Variants in PRSS12 observed in about 807,000 individuals in gnomAD.
PRSS12 encodes the protein serine protease 12, also known as neurotrypsin.
A neutral mutation model predicts 104.4 loss-of-function variants in PRSS12; 85 were observed. That is an observed-to-expected ratio of 0.81 (90% CI 0.68 to 0.98). The LOEUF (loss-of-function observed/expected upper bound fraction) is 0.98, where lower values mean the gene tolerates loss of function less well. Among genes scored for constraint, PRSS12 ranks in the 50% least tolerant of loss-of-function variants. The pLI, the probability that PRSS12 is intolerant of heterozygous loss-of-function variation, is 0.00. For missense variants in PRSS12, 1,141 were observed against 1,139.2 expected (o/e 1.00, Z -0.02); for synonymous variants, 454 against 425.2 (o/e 1.07, Z -0.83).
intron 1 of PRSS12, among the ~76,000 whole-genome samples, chr4:118,351,403 C>T (rs189761377): frequency 1.7e-4 from 26 of 151,644 alleles, no homozygotes; most frequent in Non-Finnish European, 3.4e-4. Context: ...AAGCAATGTT[C>T]AAAGCTGGAT....
At chr4:118,313,481 G>A in intron 6 of PRSS12, 84 bp from the exon 7 acceptor site, 6 of 1,401,284 alleles carry the variant, frequency 4.3e-6, no homozygotes, top group Non-Finnish European at 6.0e-6. Context: ...AAGCAACTTA[G>A]TTCAGTGACA....
At chr4:118,284,082 C>G (rs989539984) in intron 11 of PRSS12, among the ~76,000 whole-genome samples, 2 of 152,134 alleles carry the variant, frequency 1.3e-5, no homozygotes, top group African/African-American at 4.8e-5. Context: ...TGATACCAAA[C>G]CCACCTAAAG....
rs949634960 is a variant in PRSS12 at position 118,308,302 on chromosome 4, A to T, written c.1631+134T>A. On this transcript the variant is annotated intron_variant, in intron 8 of 12. Transcript: ENST00000296498. ...ATTACTTCTTTATAATTCTGGATCA[A>T]ATCAATATGCTGCCAGTATTTTCAA... 2.4e-6 allele frequency: 3 copies of T among 1,236,822 alleles called. No homozygotes were observed. In the East Asian group the frequency reaches 7.1e-5, roughly 29 times the overall value. The allele number at this position is 1,236,822 out of a possible 1,614,324, so 76.6% of individuals were successfully genotyped here. A position where few individuals can be genotyped will look rare whatever the true frequency, so the allele number is the denominator to read the frequency against.
At chr4:118,308,703 T>G in intron 7 of PRSS12, 126 bp from the exon 8 acceptor site, 1 of 1,315,170 alleles carries the variant, frequency 7.6e-7, no homozygotes, top group Non-Finnish European at 1.1e-6. Context: ...AATACTTTTT[T>G]GAGAGAGAGG....
chr4:118,286,175 C>T (rs1256491660), intron 11 of PRSS12, among the ~76,000 whole-genome samples: 1 of 152,154 alleles, frequency 6.6e-6, no homozygotes, highest in Non-Finnish European at 1.5e-5. Flanking sequence ...AGTGATGTTT[C>T]TGCCTGATAA....
chr4:118,328,604 C>T (rs1723841445), intron 4 of PRSS12, among the ~76,000 whole-genome samples: 1 of 151,924 alleles, frequency 6.6e-6, no homozygotes, highest in African/African-American at 2.4e-5. Context: ...AAAAAAAGAA[C>T]TCTACATTAC....
Position 118,319,983 on chromosome 4 carries a change from T to G in PRSS12, c.972-1427A>C, listed in dbSNP as rs573653815. Among the ~76,000 whole-genome samples the G allele has an allele frequency of 2.0e-5, 3 of 152,274 alleles. No individual in the cohort carries two copies. The South Asian group carries it at 6.2e-4, about 32-fold the overall frequency. On this transcript the variant is annotated intron_variant, in intron 4 of 12. Transcript: ENST00000296498. ...CGAGCCACCATGCCTGACAGCCAAG[T>G]CTATTTCTAACAAAAACATCTCTTT...
intron 6 of PRSS12, among the ~76,000 whole-genome samples, chr4:118,313,900 G>A (rs1347031555): frequency 6.6e-6 from 1 of 152,080 alleles, no homozygotes; most frequent in East Asian, 1.9e-4. Context: ...ATCAAAATCA[G>A]AATTATAATA....
chr4:118,285,963 A>C (rs576181545), intron 11 of PRSS12, among the ~76,000 whole-genome samples: 1 of 152,214 alleles, frequency 6.6e-6, no homozygotes, highest in Non-Finnish European at 1.5e-5. Context: ...TTATCTATAA[A>C]AATTGAGTCT....
intron 4 of PRSS12, among the ~76,000 whole-genome samples, chr4:118,325,243 TGA>T (rs1285164911): frequency 1.3e-5 from 2 of 151,014 alleles, no homozygotes; most frequent in African/African-American, 4.9e-5. Context: ...TACTGCGGGA[TGA>T]GAGACGTAGG....
At chr4:118,320,092 T>C (rs942924220) in intron 4 of PRSS12, among the ~76,000 whole-genome samples, 1 of 152,210 alleles carries the variant, frequency 6.6e-6, no homozygotes, top group Non-Finnish European at 1.5e-5. Flanking sequence ...TAAGTGAAGA[T>C]CACAAACCTG....
intron 1 of PRSS12, among the ~76,000 whole-genome samples, chr4:118,340,875 T>C (rs941667538): frequency 5.9e-5 from 9 of 152,252 alleles, no homozygotes; most frequent in African/African-American, 2.2e-4. Flanking sequence ...CTAATCTCAA[T>C]AGACTGAGTG....
At chr4:118,334,923 A>G (rs1724023057) in intron 3 of PRSS12, among the ~76,000 whole-genome samples, 1 of 152,174 alleles carries the variant, frequency 6.6e-6, no homozygotes, top group Non-Finnish European at 1.5e-5. Context: ...GAATATAAAC[A>G]TATCTGTACA....
intron 11 of PRSS12, among the ~76,000 whole-genome samples, chr4:118,290,303 A>G (rs946380351): frequency 6.6e-6 from 1 of 152,148 alleles, no homozygotes. Context: ...CTTTTGAGCA[A>G]TCTTCCTACT....
In PRSS12 at chr4:118,309,888, T is replaced by C. The variant is rs144612982; in HGVS notation, c.1490-1311A>G. 1.1e-3 allele frequency among the ~76,000 whole-genome samples: 175 copies of C among 152,350 alleles called. 1 individual carries two copies. Among genetic ancestry groups the C allele is most frequent in the African/African-American group, 4.1e-3 (172 of 41,576 alleles). Reference sequence around the variant, plus strand: ...TGGACACACTCTATTTTTATTCTTCTGACCCATTTTTTACTTCTCCATCCT... The same window carrying C: ...TGGACACACTCTATTTTTATTCTTCCGACCCATTTTTTACTTCTCCATCCT... On this transcript the variant is annotated intron_variant, in intron 7 of 12. Transcript: ENST00000296498.
intron 4 of PRSS12, among the ~76,000 whole-genome samples, chr4:118,325,305 C>A (rs1173015842): frequency 6.7e-6 from 1 of 149,290 alleles, no homozygotes. Flanking sequence ...TCCAATATAC[C>A]CATGAAAAGC....
chr4:118,331,998 C>A, intron 3 of PRSS12, 132 bp from the exon 4 acceptor site: 1 of 1,117,094 alleles, frequency 9.0e-7, no homozygotes, highest in Non-Finnish European at 1.3e-6. Flanking sequence ...GTGATATGGA[C>A]ATACGTATAT....
chr4:118,349,403 C>CA lies in PRSS12; in HGVS notation c.502+2815dup, dbSNP rs35412799. 7.5e-3 allele frequency among the ~76,000 whole-genome samples: 918 copies of CA among 122,946 alleles called. 9 individuals are homozygous for CA. The highest frequency in any genetic ancestry group is 0.019 in the African/African-American group (669 of 35,026). The allele number at this position is 122,946 out of a possible 152,430, so 80.7% of individuals were successfully genotyped here. ...CGGGTGACAGAGAGAGAACCTATCT[C>CA]AAAAAAAAAAAAAACAAAGAAAAAG... is the stretch of plus-strand genomic sequence containing the variant. On this transcript the variant is annotated intron_variant, in intron 1 of 12. Transcript: ENST00000296498.
In PRSS12 at chr4:118,282,072, C is replaced by T. The variant is rs747524139; in HGVS notation, c.2492G>A (p.Cys831Tyr). The change falls in exon 13 of 13, where the codon TGT becomes TAT. Residue 831 changes from cysteine to tyrosine, a missense_variant. Cys to Tyr is a radical substitution (Grantham distance 194). Coordinates refer to ENST00000296498, the MANE Select transcript of PRSS12 (RefSeq NM_003619.4). ...CACCCAGCTCTCTCCGGGCCGTTCA[C>T]ACATGAGTGGTCCTCCGCTGTCTCC... is the stretch of plus-strand genomic sequence containing the variant. ...CQGDSGGPLM[C>Y]ERPGESWVVY... 1 of 1,614,220 alleles carries T rather than the reference C, an allele frequency of 6.2e-7. No individual in the cohort carries two copies. The highest frequency in any genetic ancestry group is 8.5e-7 in the Non-Finnish European group (1 of 1,180,038).
Sources: allele counts gnomAD v4.1 joint callset (sites outside exome capture counted in the v4.1 genomes callset), GRCh38; gene constraint gnomAD v4.1.1; transcripts MANE v1.5; gene names NCBI Gene and HGNC (gene_info 2026-07-23, HGNC 2026-07-21).